C8orf76: variants seen among roughly 807,000 people sequenced by gnomAD.
C8orf76 encodes uncharacterized protein C8orf76.
In C8orf76, 46 loss-of-function variants were observed where a neutral mutation model predicts 38.1. The observed-to-expected ratio is 1.21, with a 90% CI of 0.95 to 1.54. The LOEUF is 1.54. Among genes scored for constraint, C8orf76 ranks in the 40% most tolerant of loss-of-function variants. The probability of loss-of-function intolerance (pLI) is 0.00; values close to 1 mark genes in which losing one functional copy is unlikely to be tolerated. For missense variants in C8orf76, 461 were observed against 441.6 expected (o/e 1.04, Z -0.39); for synonymous variants, 166 against 167.5 (o/e 0.99, Z 0.07).
At chr8:123,229,359 G>C (rs1353500100) in intron 4 of C8orf76, among the ~76,000 whole-genome samples, 1 of 152,160 alleles carries the variant, frequency 6.6e-6, no homozygotes, top group African/African-American at 2.4e-5. Flanking sequence ...AGGTATCCCA[G>C]AGTCATGAGG....
At chr8:123,226,450 G>T in intron 5 of C8orf76, 50 bp downstream of exon 5, 1 of 1,599,022 alleles carries the variant, frequency 6.3e-7, no homozygotes, top group South Asian at 1.1e-5. Flanking sequence ...CAGAGCCAGG[G>T]AAAATATCTA....
At chr8:123,221,739 C>CA (rs1364252561) in intron 5 of C8orf76, among the ~76,000 whole-genome samples, 1 of 151,528 alleles carries the variant, frequency 6.6e-6, no homozygotes, top group African/African-American at 2.4e-5. Flanking sequence ...TGTGCCCGGC[C>CA]AAAAAATTGT....
At chr8:123,227,740 A>C (rs1825096424) in intron 4 of C8orf76, among the ~76,000 whole-genome samples, 1 of 152,072 alleles carries the variant, frequency 6.6e-6, no homozygotes, top group Non-Finnish European at 1.5e-5. Context: ...AGGTGGGAAA[A>C]AAAAGCAGGG....
At position 123,231,114 on chromosome 8, in the gene C8orf76, T is replaced by TA. The variant is rs762248612; in HGVS notation, c.815+185dup. 7.2e-5 allele frequency among the ~76,000 whole-genome samples: 11 copies of TA among 152,366 alleles called. No homozygotes were observed. The South Asian group carries it at 1.9e-3, about 26-fold the overall frequency. Reference sequence around the variant, plus strand: ...CACCAGCTAACACAGGTTGTATTCTTAAACAAATGTAGTTTTGTTTCCAAG... The same window carrying TA: ...CACCAGCTAACACAGGTTGTATTCTTAAAACAAATGTAGTTTTGTTTCCAAG... On this transcript the variant is annotated intron_variant, in intron 4 of 5. Coordinates refer to ENST00000276704, the MANE Select transcript of C8orf76 (RefSeq NM_032847.3).
chr8:123,220,042 G>T lies in C8orf76; in HGVS notation c.*61C>A. 2 of 995,256 alleles carry T rather than the reference G, an allele frequency of 2.0e-6. No individual in the cohort carries two copies. Among genetic ancestry groups the T allele is most frequent in the Non-Finnish European group, 2.9e-6 (2 of 689,400 alleles). 61.7% of individuals were successfully genotyped at this position (995,256 alleles called of 1,614,324 possible). A position where few individuals can be genotyped will look rare whatever the true frequency, so the allele number is the denominator to read the frequency against. ...CCATGATTAGCAATGGATCCTGTCTGAAGTAAACAAGGACAATTAATACAG... is the reference window on the plus strand; with the variant it reads ...CCATGATTAGCAATGGATCCTGTCTTAAGTAAACAAGGACAATTAATACAG... On this transcript the variant is annotated 3_prime_UTR_variant, in exon 6 of 6. Coordinates refer to ENST00000276704, the MANE Select transcript of C8orf76 (RefSeq NM_032847.3).
At chr8:123,235,939 C>G (rs958599800) in intron 3 of C8orf76, among the ~76,000 whole-genome samples, 5 of 152,178 alleles carry the variant, frequency 3.3e-5, no homozygotes, top group African/African-American at 7.2e-5. Context: ...AATTTGCGGA[C>G]TGGGGAAGAC....
chr8:123,236,893 C>T, intron 3 of C8orf76: 1 of 993,324 alleles, frequency 1.0e-6, no homozygotes, highest in Non-Finnish European at 1.6e-6. Context: ...AGACCATCAC[C>T]CTTGAGATCG....
chr8:123,234,500 G>A (rs1825388889), intron 3 of C8orf76, among the ~76,000 whole-genome samples: 1 of 152,134 alleles, frequency 6.6e-6, no homozygotes, highest in South Asian at 2.1e-4. Flanking sequence ...TGGGCGCATT[G>A]GCTCATCCCT....
Position 123,237,711 on chromosome 8 carries a change from G to A in C8orf76, c.357+87C>T, listed in dbSNP as rs951134920. On this transcript the variant is annotated intron_variant, in intron 3 of 5. Transcript: ENST00000276704. ...TCCAAACCCATAGATTTTGCTACTAGCAAGAAGTTTGTTTTGTTTTCAAAA... is the reference window on the plus strand; with the variant it reads ...TCCAAACCCATAGATTTTGCTACTAACAAGAAGTTTGTTTTGTTTTCAAAA... 27 of 1,462,386 alleles carry A rather than the reference G, an allele frequency of 1.8e-5. No homozygotes were observed. In the South Asian group the frequency reaches 2.5e-4, roughly 14 times the overall value. The allele number at this position is 1,462,386 out of a possible 1,614,324, so 90.6% of individuals were successfully genotyped here.
intron 3 of C8orf76, among the ~76,000 whole-genome samples, chr8:123,234,575 A>T (rs1554633955): frequency 6.6e-6 from 1 of 152,000 alleles, no homozygotes; most frequent in Non-Finnish European, 1.5e-5. Flanking sequence ...TCGAGACCAG[A>T]CTGGACAACA....
chr8:123,237,054 G>A (rs1398781714), intron 3 of C8orf76: 27 of 1,300,952 alleles, frequency 2.1e-5, no homozygotes, highest in South Asian at 2.4e-5. Flanking sequence ...CTGCGCCTGC[G>A]AGGTGGCATT....
Position 123,237,797 on chromosome 8 carries a change from C to G in C8orf76, c.357+1G>C, listed in dbSNP as rs751811971. 1.2e-6 allele frequency: 2 copies of G among 1,610,896 alleles called. No individual in the cohort carries two copies. Among genetic ancestry groups the G allele is most frequent in the Non-Finnish European group, 1.7e-6 (2 of 1,178,952 alleles). ...TGAAAATAAGCAATAAAATCACTCACCAAGTTTGCAGCAATCTCCAGCGCC... is the reference window on the plus strand; with the variant it reads ...TGAAAATAAGCAATAAAATCACTCAGCAAGTTTGCAGCAATCTCCAGCGCC... On this transcript the variant is annotated splice_donor_variant, in intron 3 of 5. Transcript: ENST00000276704. LOFTEE classifies it high-confidence loss of function.
chr8:123,226,400 C>T (rs1825045109), intron 5 of C8orf76, 100 bp downstream of exon 5: 4 of 1,540,512 alleles, frequency 2.6e-6, no homozygotes, highest in Admixed American at 4.5e-5. Flanking sequence ...ACAAGTCCTT[C>T]AGTAGATTAA....
At chr8:123,224,914 G>A (rs1223198541) in intron 5 of C8orf76, among the ~76,000 whole-genome samples, 1 of 152,182 alleles carries the variant, frequency 6.6e-6, no homozygotes, top group Non-Finnish European at 1.5e-5. Context: ...GAGCTCAGAG[G>A]AAGGAGAAAT....
intron 3 of C8orf76, among the ~76,000 whole-genome samples, chr8:123,235,434 C>A (rs929527020): frequency 2.3e-4 from 35 of 152,070 alleles, no homozygotes; most frequent in African/African-American, 7.5e-4. Context: ...GAGCTAGTAA[C>A]AAAAGGCGAG....
At chr8:123,238,035 A>G in intron 2 of C8orf76, 94 bp from the exon 3 acceptor site, 1 of 1,413,170 alleles carries the variant, frequency 7.1e-7, no homozygotes, top group Middle Eastern at 2.0e-4. Context: ...CTAGGTGGAA[A>G]GTAATGTTAT....
chr8:123,225,910 G>T (rs945116237), intron 5 of C8orf76, among the ~76,000 whole-genome samples: 4 of 150,736 alleles, frequency 2.7e-5, no homozygotes, highest in African/African-American at 9.8e-5. Flanking sequence ...GGGAGACAAA[G>T]CAAGACTCTG....
chr8:123,237,939 T>C lies in C8orf76; in HGVS notation c.216A>G (p.Lys72=). The C allele has an allele frequency of 6.2e-7, 1 of 1,602,704 alleles. No homozygotes were observed. Among genetic ancestry groups the C allele is most frequent in the South Asian group, 1.1e-5 (1 of 88,320 alleles). The change falls in exon 3 of 6, where the codon AAA becomes AAG. Residue 72 remains lysine (K), a splice_region_variant and synonymous_variant. Transcript: ENST00000276704. ...AGATACTGGAATACTCCTGCAGTGC[T>C]TTCTGGAAATTATTTGTTAAATAAA... The part of the protein sequence containing the change: ...DLAYRRQEYQ[K]ALQEYSSISE...
chr8:123,226,514 G>A lies in C8orf76; in HGVS notation c.934C>T (p.Leu312=), dbSNP rs774093569. 32 of 1,612,730 alleles carry A rather than the reference G, an allele frequency of 2.0e-5. No homozygotes were observed. Among genetic ancestry groups the A allele is most frequent in the Admixed American group, 8.4e-5 (5 of 59,536 alleles). ...GATACACTCACCTCAGCTATCAACAGCAAAGTGTCTTCTTTGAAGCTGAAC... is the reference window on the plus strand; with the variant it reads ...GATACACTCACCTCAGCTATCAACAACAAAGTGTCTTCTTTGAAGCTGAAC... ...KGFSFKEDTL[L]LIAEVMGEDI... The change falls in exon 5 of 6, where the codon CTG becomes TTG. Residue 312 remains leucine (L), a synonymous_variant. Coordinates refer to ENST00000276704, the MANE Select transcript of C8orf76 (RefSeq NM_032847.3).
Sources: allele counts gnomAD v4.1 joint callset (sites outside exome capture counted in the v4.1 genomes callset), GRCh38; gene constraint gnomAD v4.1.1; transcripts MANE v1.5; gene names NCBI Gene and HGNC (gene_info 2026-07-23, HGNC 2026-07-21).